The following SP6 variants were observed in gnomAD, a reference collection of about 807,000 sequenced individuals.
SP6 encodes Sp6 transcription factor, also known as transcription factor Sp6.
SP6 carries 10 observed loss-of-function variants against 23.4 expected under a neutral mutation model. The observed-to-expected ratio is 0.43, with a 90% confidence interval of 0.26 to 0.72. The LOEUF (loss-of-function observed/expected upper bound fraction) is 0.72, where lower values mean the gene tolerates loss of function less well. SP6 is among the 30% of genes least tolerant of loss of function. The pLI, the probability that SP6 is intolerant of heterozygous loss-of-function variation, is 0.23. For missense variants in SP6, 482 were observed against 523.8 expected (o/e 0.92, Z 0.78); for synonymous variants, 238 against 238.7 (o/e 1.00, Z 0.03).
chr17:47,850,467 C>T (rs766339147), intron 1 of SP6, among the ~76,000 whole-genome samples: 1 of 152,138 alleles, frequency 6.6e-6, no homozygotes, highest in African/African-American at 2.4e-5. Flanking sequence ...TGGTCCTTGA[C>T]CCACCTGCCC....
chr17:47,866,020 T>TA, the SP6 span, among the ~76,000 whole-genome samples: 3 of 152,212 alleles, frequency 2.0e-5, no homozygotes, highest in African/African-American at 7.2e-5. Flanking sequence ...ATGCTTCATC[T>TA]TTATGCTTCA....
At chr17:47,850,288 C>T (rs996095148) in intron 1 of SP6, among the ~76,000 whole-genome samples, 2 of 152,162 alleles carry the variant, frequency 1.3e-5, no homozygotes, top group Non-Finnish European at 2.9e-5. Flanking sequence ...AAACCCAAAG[C>T]GGGGTGATTC....
Position 47,847,827 on chromosome 17 carries a change from C to T in SP6, c.603G>A (p.Gly201=). The stretch of plus-strand genomic sequence containing the variant: ...CCGCCCCGTCCAGGCTGGAATCCAG[C>T]CCTTGAGACTCCGGGGCGGCTACTT... ...ALEVAAPESQ[G]LDSSLDGAAR... The change falls in exon 2 of 2, where the codon GGG becomes GGA. Residue 201 remains glycine (G), a synonymous_variant. Transcript: ENST00000536300. 3.3e-6 allele frequency: 5 copies of T among 1,526,244 alleles called. No individual in the cohort carries two copies. Among genetic ancestry groups the T allele is most frequent in the African/African-American group, 1.4e-5 (1 of 72,424 alleles). 94.5% of individuals were successfully genotyped at this position (1,526,244 alleles called of 1,614,324 possible). A position where few individuals can be genotyped will look rare whatever the true frequency, so the allele number is the denominator to read the frequency against.
chr17:47,868,786 A>T, the SP6 span, among the ~76,000 whole-genome samples: 1 of 151,992 alleles, frequency 6.6e-6, no homozygotes, highest in Non-Finnish European at 1.5e-5. Flanking sequence ...GAGGGAGGAG[A>T]AGGGTTCCTG....
intron 1 of SP6, among the ~76,000 whole-genome samples, chr17:47,849,824 C>T (rs1187022932): frequency 2.6e-5 from 4 of 152,190 alleles, no homozygotes; most frequent in Admixed American, 2.6e-4. Flanking sequence ...GCCTGGAAGC[C>T]CTGGTGCCTC....
chr17:47,863,008 G>T, the SP6 span, among the ~76,000 whole-genome samples: 1 of 152,270 alleles, frequency 6.6e-6, no homozygotes, highest in Admixed American at 6.5e-5. Flanking sequence ...CACGAAGTTT[G>T]TTGTTTTAGA....
At chr17:47,855,993 G>C (rs896246467), upstream of SP6, 1 of 152,208 alleles carries the variant, frequency 6.6e-6, no homozygotes, top group Non-Finnish European at 1.5e-5. Flanking sequence ...GCAGGATGGA[G>C]GAAATGACAG....
Position 47,848,158 on chromosome 17 carries a change from G to C in SP6, c.272C>G (p.Pro91Arg). The C allele has an allele frequency of 6.2e-7, 1 of 1,613,438 alleles. No individual in the cohort carries two copies. Among genetic ancestry groups the C allele is most frequent in the Non-Finnish European group, 8.5e-7 (1 of 1,180,004 alleles). Residue 91 changes from proline (P) to arginine (R), a missense_variant, in exon 2 of 2, where the codon CCC (proline) becomes CGC (arginine). Around this residue, in one of 3 missense-constraint regions of SP6, gnomAD observed 330 missense variants for 332.3 expected, o/e 0.99. Transcript: ENST00000536300. This position sits in a 1 kb window ranked among gnomAD's most constrained non-coding sequence, Gnocchi z 5.3. ...LESDSPLAPG[P>R]FSKLLQPDMS... ...GTCCGGCTGCAGGAGCTTGGAAAAG[G>C]GGCCCGGGGCCAAGGGACTGTCGCT... is the stretch of plus-strand genomic sequence containing the variant.
chr17:47,866,701 C>T, the SP6 span, among the ~76,000 whole-genome samples: 1 of 152,136 alleles, frequency 6.6e-6, no homozygotes, highest in Admixed American at 6.5e-5. Flanking sequence ...CCCAGGCACG[C>T]ATGTTTCTTT....
the SP6 span, among the ~76,000 whole-genome samples, chr17:47,872,201 G>A: frequency 6.6e-6 from 1 of 152,242 alleles, no homozygotes; most frequent in African/African-American, 2.4e-5. Context: ...CTGTCCAGAT[G>A]TTGCACAATG....
chr17:47,875,598 A>G, the SP6 span, among the ~76,000 whole-genome samples: 43 of 152,356 alleles, frequency 2.8e-4, no homozygotes, highest in Non-Finnish European at 5.3e-4. Flanking sequence ...ACCAGAGGCA[A>G]TGAAGCAGCA....
At chr17:47,873,916 C>CCTT in the SP6 span, among the ~76,000 whole-genome samples, 2 of 147,160 alleles carry the variant, frequency 1.4e-5, no homozygotes, top group Admixed American at 6.9e-5. Flanking sequence ...TCCTACTCTT[C>CCTT]CTTCTTCTTC....
chr17:47,855,616 G>A (rs1345435132), upstream of SP6: 2 of 152,148 alleles, frequency 1.3e-5, no homozygotes, highest in Admixed American at 1.3e-4. Context: ...CCTCTTTGTG[G>A]AGGTCCCCTG....
At chr17:47,857,528 C>A (rs2034005908), upstream of SP6, among the ~76,000 whole-genome samples, 1 of 152,092 alleles carries the variant, frequency 6.6e-6, no homozygotes, top group Non-Finnish European at 1.5e-5. Flanking sequence ...AGGAAAAAGA[C>A]CCAGCCCTCA....
chr17:47,861,547 A>G, the SP6 span, among the ~76,000 whole-genome samples: 1 of 152,236 alleles, frequency 6.6e-6, no homozygotes, highest in Non-Finnish European at 1.5e-5. Context: ...AGCCTGGCCA[A>G]CATGGTGAAA....
upstream of SP6, chr17:47,855,644 CCT>C (rs1293785401): frequency 1.3e-5 from 2 of 152,318 alleles, no homozygotes; most frequent in African/African-American, 4.8e-5. Flanking sequence ...CAGGGAACAG[CCT>C]CTCTTACCAG....
At chr17:47,857,471 C>T (rs1175182535), upstream of SP6, among the ~76,000 whole-genome samples, 4 of 152,158 alleles carry the variant, frequency 2.6e-5, no homozygotes, top group African/African-American at 9.7e-5. Flanking sequence ...GTAGCAGGTC[C>T]AGTCCAAAAG....
In SP6 at chr17:47,848,466, C is replaced by CAGGG; in HGVS notation, c.-41_-38dup. The CAGGG allele has an allele frequency of 6.8e-7, 1 of 1,463,088 alleles. No homozygotes were observed. Among genetic ancestry groups the CAGGG allele is most frequent in the African/African-American group, 1.4e-5 (1 of 70,370 alleles). The allele number at this position is 1,463,088 out of a possible 1,614,324, so 90.6% of individuals were successfully genotyped here. On this transcript the variant is annotated 5_prime_UTR_variant, in exon 2 of 2. Coordinates refer to ENST00000536300, the MANE Select transcript of SP6 (RefSeq NM_001258248.2). The surrounding 1 kb of genome is among the most constrained non-coding windows in gnomAD (Gnocchi z 5.3). ...GGGGTGGGGTGAGGGCAGGGACGGT[C>CAGGG]AGGGGCACCTCAGACGGGACCTAAA...
the SP6 span, among the ~76,000 whole-genome samples, chr17:47,872,149 G>T: frequency 6.6e-6 from 1 of 150,700 alleles, no homozygotes; most frequent in Non-Finnish European, 1.5e-5. Context: ...GTCGCAGGTA[G>T]TTCCAACCTC....
Sources: allele counts gnomAD v4.1 joint callset (sites outside exome capture counted in the v4.1 genomes callset), GRCh38; gene constraint gnomAD v4.1.1; regional missense constraint gnomAD v4.1.1; non-coding constraint Gnocchi (gnomAD v3.1); transcripts MANE v1.5; gene names NCBI Gene and HGNC (gene_info 2026-07-23, HGNC 2026-07-21).